Variants in KAZN observed in about 807,000 individuals in gnomAD.
KAZN encodes kazrin.
A neutral mutation model predicts 87.4 loss-of-function variants in KAZN; 40 were observed. The ratio of observed to expected loss-of-function variants is 0.46; its 90% confidence interval spans 0.36 to 0.60. KAZN has a LOEUF of 0.60. Ranked by LOEUF, KAZN falls within the 20% of genes least tolerant of loss-of-function variation. The pLI is 0.00. For missense variants in KAZN, 898 were observed against 1,073.9 expected, an observed-to-expected ratio of 0.84 and a Z score of 2.29; for synonymous variants, 466 against 458.3, an observed-to-expected ratio of 1.02 and a Z score of -0.22.
rs1193912690 is a variant in KAZN, at chr1:14,769,440, T to C, written c.226+170217T>C. Among the ~76,000 whole-genome samples, 7 of 152,128 alleles carry C rather than the reference T, an allele frequency of 4.6e-5. No individual in the cohort carries two copies. The highest frequency in any genetic ancestry group is 4.6e-4 in the Admixed American group (7 of 15,268). ...CGCTATCTTGGCTCACTGCAACCTCTGCCTCCCGGGTTCAAGCGATTCTCG... is the reference window on the plus strand; with the variant it reads ...CGCTATCTTGGCTCACTGCAACCTCCGCCTCCCGGGTTCAAGCGATTCTCG... On this transcript the variant is annotated intron_variant, in intron 1 of 14. Transcript: ENST00000376030. This position sits in a 1 kb window ranked among gnomAD's most constrained non-coding sequence, Gnocchi z 4.1.
intron 2 of KAZN, among the ~76,000 whole-genome samples, chr1:14,436,831 G>A (rs1248894417): frequency 6.6e-6 from 1 of 152,060 alleles, no homozygotes; most frequent in Non-Finnish European, 1.5e-5. Flanking sequence ...ACTTGGCCAA[G>A]GTCCGACAGC....
intron 13 of KAZN, among the ~76,000 whole-genome samples, chr1:15,110,746 T>C (rs2100748519): frequency 6.6e-6 from 1 of 152,382 alleles, no homozygotes; most frequent in East Asian, 1.9e-4. Context: ...GGCCGTGGTC[T>C]AGACCTTGAT....
intron 1 of KAZN, among the ~76,000 whole-genome samples, chr1:13,940,087 T>C (rs929651107): frequency 6.6e-6 from 1 of 152,162 alleles, no homozygotes; most frequent in Non-Finnish European, 1.5e-5. Flanking sequence ...TACTCACCTG[T>C]AGTTTTCTTT....
chr1:14,207,151 A>G lies in KAZN; in HGVS notation c.249+26559A>G, dbSNP rs148442120. On this transcript the variant is annotated intron_variant, in intron 2 of 16. Coordinates refer to the KAZN transcript ENST00000636203. ...GCTAATTTTTGTATTTTTGGTAGAG[A>G]TGGAGTTTTGCCATGTTGGCCAGGC... 6.9e-3 allele frequency among the ~76,000 whole-genome samples: 1,049 copies of G among 151,956 alleles called. 14 individuals carry two copies. Among genetic ancestry groups the G allele is most frequent in the Non-Finnish European group, 9.0e-3 (613 of 67,940 alleles).
At chr1:14,081,640 C>T (rs933849442) in intron 1 of KAZN, among the ~76,000 whole-genome samples, 1 of 152,132 alleles carries the variant, frequency 6.6e-6, no homozygotes, top group Non-Finnish European at 1.5e-5. Context: ...CATGTGTTTA[C>T]TTATTGTCTG....
intron 2 of KAZN, chr1:14,222,957 AATAG>A (rs1323262059): frequency 3.9e-5 from 6 of 152,308 alleles, no homozygotes; most frequent in Admixed American, 1.3e-4. Flanking sequence ...CATTATTTTA[AATAG>A]ATAGGTTTAA....
intron 2 of KAZN, among the ~76,000 whole-genome samples, chr1:14,191,083 A>C (rs1041877598): frequency 1.3e-5 from 2 of 152,178 alleles, no homozygotes; most frequent in African/African-American, 4.8e-5. Context: ...TACACCATTC[A>C]TCCAGCTTGA....
At chr1:14,181,559 G>GAGGCACA in intron 2 of KAZN, among the ~76,000 whole-genome samples, 1 of 152,148 alleles carries the variant, frequency 6.6e-6, no homozygotes, top group Non-Finnish European at 1.5e-5. Flanking sequence ...TGTCTCACCT[G>GAGGCACA]TCAATGCCTG....
At chr1:14,520,297 G>C (rs6429665) in intron 2 of KAZN, among the ~76,000 whole-genome samples, 78,583 of 151,312 alleles carry the variant, frequency 0.52, 20,616 homozygotes, top group South Asian at 0.69. Flanking sequence ...CTCCTCCGGT[G>C]GCCACAGCCC....
At chr1:14,262,464 C>T (rs1651132680) in intron 2 of KAZN, among the ~76,000 whole-genome samples, 1 of 152,178 alleles carries the variant, frequency 6.6e-6, no homozygotes, top group Non-Finnish European at 1.5e-5. Context: ...TAACTTTCTA[C>T]ATGTTGCTGG....
intron 2 of KAZN, among the ~76,000 whole-genome samples, chr1:14,208,004 C>T (rs1646778754): frequency 6.6e-6 from 1 of 152,204 alleles, no homozygotes; most frequent in Non-Finnish European, 1.5e-5. Flanking sequence ...CCCCCTGAAA[C>T]TGCCATTCCC....
rs950284889 is a variant in KAZN at position 14,330,836 on chromosome 1, A to C, written c.249+150244A>C. Reference sequence around the variant, plus strand: ...CCATTGCAAAGAATAAAACAAAACTATATGTGTAAATCTGGAAAGACTCCC... The same window carrying C: ...CCATTGCAAAGAATAAAACAAAACTCTATGTGTAAATCTGGAAAGACTCCC... On this transcript the variant is annotated intron_variant, in intron 2 of 16. Coordinates refer to the KAZN transcript ENST00000636203. Among the ~76,000 whole-genome samples the C allele has an allele frequency of 3.3e-5, 5 of 152,300 alleles. No homozygotes were observed. In the East Asian group the frequency reaches 9.6e-4, roughly 29 times the overall value.
At chr1:14,391,644 TCA>T (rs1662433406) in intron 2 of KAZN, 1 of 152,226 alleles carries the variant, frequency 6.6e-6, no homozygotes, top group South Asian at 2.1e-4. Context: ...CCCTGTTAGT[TCA>T]CAGTTAACAC....
chr1:14,302,781 GA>G (rs1442365268), intron 2 of KAZN, among the ~76,000 whole-genome samples: 1 of 152,172 alleles, frequency 6.6e-6, no homozygotes, highest in African/African-American at 2.4e-5. Context: ...TAAATCTATA[GA>G]AACCAAAGGT....
In KAZN at chr1:14,421,966, G is replaced by A. The variant is rs77573595; in HGVS notation, c.250-177017G>A. 5.8e-3 allele frequency among the ~76,000 whole-genome samples: 888 copies of A among 152,198 alleles called. 14 individuals carry two copies. The highest frequency in any genetic ancestry group is 0.02 in the African/African-American group (818 of 41,482). On this transcript the variant is annotated intron_variant, in intron 2 of 16. Transcript: ENST00000636203. ...AACAAATATATCCAACAGTGCATGG[G>A]CTCATCTTCCACGCCAATGTCAATA...
At chr1:14,186,864 C>T (rs1646318331) in intron 2 of KAZN, among the ~76,000 whole-genome samples, 1 of 152,104 alleles carries the variant, frequency 6.6e-6, no homozygotes, top group South Asian at 2.1e-4. Context: ...GAACTTTACC[C>T]CTAACTCTCC....
chr1:15,067,484 A>G (rs1639299730), intron 8 of KAZN: 12 of 985,292 alleles, frequency 1.2e-5, no homozygotes, highest in Admixed American at 6.1e-5. Flanking sequence ...CTAAAACTCA[A>G]TTTCCTTATT....
chr1:14,046,939 TG>T (rs1340379637), intron 1 of KAZN, among the ~76,000 whole-genome samples: 1 of 152,208 alleles, frequency 6.6e-6, no homozygotes, highest in Non-Finnish European at 1.5e-5. Context: ...TGTAATCTTA[TG>T]GGGTACACCT....
chr1:14,380,704 G>A (rs905993978), intron 2 of KAZN, among the ~76,000 whole-genome samples: 3 of 152,136 alleles, frequency 2.0e-5, no homozygotes, highest in African/African-American at 7.2e-5. Flanking sequence ...AAAAAAGAAT[G>A]AAGCACACCT....
Sources: gnomAD v4.1 joint callset for allele counts (sites outside exome capture counted in the v4.1 genomes callset) on GRCh38, gnomAD v4.1.1 for gene constraint, Gnocchi (gnomAD v3.1) non-coding constraint, MANE v1.5 for transcripts, NCBI Gene and HGNC (gene_info 2026-07-23, HGNC 2026-07-21) for gene names.